Variants in TBC1D22A observed in about 807,000 individuals in gnomAD.
TBC1D22A encodes TBC1 domain family member 22A.
In TBC1D22A, 38 loss-of-function variants were observed where a neutral mutation model predicts 60.2. The ratio of observed to expected loss-of-function variants is 0.63; its 90% CI spans 0.49 to 0.83. The LOEUF (loss-of-function observed/expected upper bound fraction) is 0.83. TBC1D22A is among the 40% of genes least tolerant of loss of function. The pLI is 0.00. For missense variants in TBC1D22A, 628 were observed against 701.0 expected, an observed-to-expected ratio of 0.90 and a Z score of 1.18; for synonymous variants, 302 against 281.7, an observed-to-expected ratio of 1.07 and a Z score of -0.72.
At chr22:46,780,151 T>C (rs973064486) in intron 1 of TBC1D22A, among the ~76,000 whole-genome samples, 2 of 152,208 alleles carry the variant, frequency 1.3e-5, no homozygotes, top group African/African-American at 4.8e-5. Flanking sequence ...GTTGCCAATT[T>C]GAGTACGTAT....
rs1293204921 is a variant in TBC1D22A, at chr22:46,762,657, C to T, written c.-130C>T. The T allele has an allele frequency of 4.2e-6, 3 of 718,962 alleles. No individual in the cohort carries two copies. In the East Asian group the frequency reaches 1.0e-4, roughly 25 times the overall value. The allele number at this position is 718,962 out of a possible 1,614,324, so 44.5% of individuals were successfully genotyped here. A position where few individuals can be genotyped will look rare whatever the true frequency, so the allele number is the denominator to read the frequency against. On this transcript the variant is annotated 5_prime_UTR_variant, in exon 1 of 13. Coordinates refer to ENST00000337137, the MANE Select transcript of TBC1D22A (RefSeq NM_014346.5). The stretch of plus-strand genomic sequence containing the variant: ...CAACTTCCGGAAGGAGGCGGAAGAG[C>T]TTCTCGGCTCTAGGCTCTGGAGTCC...
intron 8 of TBC1D22A, among the ~76,000 whole-genome samples, chr22:46,920,733 A>T (rs1488583312): frequency 6.6e-6 from 1 of 151,974 alleles, no homozygotes; most frequent in Non-Finnish European, 1.5e-5. Context: ...CTGAAACAAT[A>T]TATAATTTTT....
chr22:46,793,083 A>T (rs1431514065), intron 2 of TBC1D22A, among the ~76,000 whole-genome samples: 1 of 152,048 alleles, frequency 6.6e-6, no homozygotes, highest in Non-Finnish European at 1.5e-5. Context: ...ATTTTGGGGG[A>T]ATCTTGTTTA....
intron 1 of TBC1D22A, among the ~76,000 whole-genome samples, chr22:46,785,458 C>A (rs540015184): frequency 6.6e-6 from 1 of 152,338 alleles, no homozygotes; most frequent in South Asian, 2.1e-4. Flanking sequence ...ACAATTCACC[C>A]ACAATAGCCT....
chr22:46,976,595 G>A (rs935817566), intron 9 of TBC1D22A, among the ~76,000 whole-genome samples: 25 of 152,218 alleles, frequency 1.6e-4, no homozygotes, highest in Non-Finnish European at 3.2e-4. Flanking sequence ...GGACGACCTG[G>A]CCGCTTCTGC....
intron 11 of TBC1D22A, among the ~76,000 whole-genome samples, chr22:47,069,630 G>A (rs929382299): frequency 4.6e-5 from 7 of 150,950 alleles, no homozygotes; most frequent in African/African-American, 1.7e-4. Flanking sequence ...GTTGGACGCT[G>A]TTCCCTGTTT....
intron 9 of TBC1D22A, among the ~76,000 whole-genome samples, chr22:46,987,446 C>A (rs1053718517): frequency 2.0e-5 from 3 of 152,082 alleles, no homozygotes; most frequent in African/African-American, 7.2e-5. Flanking sequence ...TCTTTCTTTG[C>A]AAGACAAATG....
At chr22:47,113,336 G>A (rs1293460850) in intron 12 of TBC1D22A, among the ~76,000 whole-genome samples, 1 of 152,220 alleles carries the variant, frequency 6.6e-6, no homozygotes, top group Non-Finnish European at 1.5e-5. Context: ...GGTGGTGTCT[G>A]TGACTGGCTG....
intron 4 of TBC1D22A, among the ~76,000 whole-genome samples, chr22:46,847,918 GGTGTGT>G (rs58012028): frequency 0.09 from 12,040 of 134,158 alleles, 611 homozygotes; most frequent in Non-Finnish European, 0.11. Flanking sequence ...TACCCTAGTG[GGTGTGT>G]GTGTGTGTGT....
chr22:47,154,133 A>G lies in TBC1D22A; in HGVS notation c.1426-19365A>G, dbSNP rs183720730. Among the ~76,000 whole-genome samples, 793 of 152,246 alleles carry G rather than the reference A, an allele frequency of 5.2e-3. 3 individuals carry two copies. The highest frequency in any genetic ancestry group is 6.9e-3 in the Non-Finnish European group (466 of 67,980). Reference sequence around the variant, plus strand: ...CTCCGGGACCTCCTGGGCCTCCAGCACTGTCTCCAGGCCATGACTTCTCCT... The same window carrying G: ...CTCCGGGACCTCCTGGGCCTCCAGCGCTGTCTCCAGGCCATGACTTCTCCT... On this transcript the variant is annotated intron_variant, in intron 12 of 12. Transcript: ENST00000337137.
chr22:47,151,989 G>A lies in TBC1D22A; in HGVS notation c.1426-21509G>A, dbSNP rs192138192. On this transcript the variant is annotated intron_variant, in intron 12 of 12. Coordinates refer to ENST00000337137, the MANE Select transcript of TBC1D22A (RefSeq NM_014346.5). ...GGGCCGTGTGCATAGGAGCGTGTGC[G>A]GCCGTGGTCTGGGCCTTACTCTGCT... Among the ~76,000 whole-genome samples, 909 of 152,280 alleles carry A rather than the reference G, an allele frequency of 6.0e-3. 9 individuals are homozygous for A. Among genetic ancestry groups the A allele is most frequent in the Non-Finnish European group, 7.1e-3 (486 of 68,020 alleles).
chr22:47,008,652 G>A (rs2148289068), intron 10 of TBC1D22A, among the ~76,000 whole-genome samples: 1 of 152,382 alleles, frequency 6.6e-6, no homozygotes, highest in East Asian at 1.9e-4. Context: ...CAAGGGGCAA[G>A]GCTGCATCTG....
intron 4 of TBC1D22A, among the ~76,000 whole-genome samples, chr22:46,801,056 G>C (rs2084875402): frequency 6.6e-6 from 1 of 152,226 alleles, no homozygotes; most frequent in Non-Finnish European, 1.5e-5. Context: ...TAGGAAGATG[G>C]GAGTATGTAG....
intron 11 of TBC1D22A, among the ~76,000 whole-genome samples, chr22:47,084,256 A>G (rs1283543973): frequency 6.6e-6 from 1 of 152,242 alleles, no homozygotes; most frequent in Non-Finnish European, 1.5e-5. Flanking sequence ...CGGCGGCTAC[A>G]GTATTGGGCA....
intron 8 of TBC1D22A, among the ~76,000 whole-genome samples, chr22:46,959,716 G>A (rs1217911302): frequency 3.9e-5 from 6 of 152,154 alleles, no homozygotes; most frequent in Non-Finnish European, 7.3e-5. Flanking sequence ...AAGCCCAGCC[G>A]CGCCTCCTGG....
At chr22:46,958,395 C>T (rs1032558679) in intron 8 of TBC1D22A, among the ~76,000 whole-genome samples, 18 of 152,216 alleles carry the variant, frequency 1.2e-4, no homozygotes, top group Admixed American at 2.6e-4. Flanking sequence ...CTCTCTGCAC[C>T]GTGGCTGCTC....
intron 11 of TBC1D22A, among the ~76,000 whole-genome samples, chr22:47,107,960 A>T (rs550601369): frequency 6.6e-6 from 1 of 152,324 alleles, no homozygotes; most frequent in Admixed American, 6.5e-5. Flanking sequence ...TTAGGCAATG[A>T]TTTTTTAGAT....
In TBC1D22A at chr22:46,797,452, A is replaced by G. The variant is rs1306997716; in HGVS notation, c.469A>G (p.Ser157Gly). 2 of 1,612,768 alleles carry G rather than the reference A, an allele frequency of 1.2e-6. No homozygotes were observed. Among genetic ancestry groups the G allele is most frequent in the Admixed American group, 1.7e-5 (1 of 60,010 alleles). The part of the protein sequence containing the change: ...SHTSCPAESA[S>G]DAAPLQRSQS... ...TTCTCTCACCCCTGCAGAAAGTGCCAGCGATGCCGCCCCTCTGCAGAGGTC... is the reference window on the plus strand; with the variant it reads ...TTCTCTCACCCCTGCAGAAAGTGCCGGCGATGCCGCCCCTCTGCAGAGGTC... Residue 157 changes from serine (S) to glycine (G), a missense_variant, in exon 4 of 13, where the codon AGC becomes GGC. Transcript: ENST00000337137.
At chr22:46,791,250 G>A (rs2084393337) in intron 1 of TBC1D22A, among the ~76,000 whole-genome samples, 2 of 152,130 alleles carry the variant, frequency 1.3e-5, no homozygotes, top group South Asian at 2.1e-4. Context: ...CTAAACTCCT[G>A]AGCTCAAGCG....
Sources: gnomAD v4.1 joint callset for allele counts (sites outside exome capture counted in the v4.1 genomes callset) on GRCh38, gnomAD v4.1.1 for gene constraint, MANE v1.5 for transcripts, NCBI Gene and HGNC (gene_info 2026-07-23, HGNC 2026-07-21) for gene names.